NCR3LG1: variants seen among roughly 807,000 people sequenced by gnomAD.
NCR3LG1 encodes the protein natural killer cell cytotoxicity receptor 3 ligand 1.
A neutral mutation model predicts 34.8 loss-of-function variants in NCR3LG1; 35 were observed. That is an observed-to-expected ratio of 1.01 (90% CI 0.77 to 1.33). The LOEUF (loss-of-function observed/expected upper bound fraction) is 1.33. NCR3LG1 is among the 40% of genes most tolerant of loss of function. The probability of loss-of-function intolerance (pLI) is 0.00; values close to 1 mark genes in which losing one functional copy is unlikely to be tolerated. For missense variants in NCR3LG1, 452 were observed against 423.3 expected, an observed-to-expected ratio of 1.07 and a Z score of -0.60; for synonymous variants, 173 against 163.6, an observed-to-expected ratio of 1.06 and a Z score of -0.44.
chr11:17,352,093 T>A, intron 1 of NCR3LG1, 54 bp downstream of exon 1: 2 of 1,314,616 alleles, frequency 1.5e-6, no homozygotes, highest in Non-Finnish European at 2.0e-6. Flanking sequence ...CAGAGGGTCC[T>A]CGCGGGTCGG....
intron 1 of NCR3LG1, among the ~76,000 whole-genome samples, chr11:17,355,787 CTTAT>C (rs765511955): frequency 4.5e-4 from 69 of 151,944 alleles, no homozygotes; most frequent in Admixed American, 5.9e-4. Flanking sequence ...CATGTCTTTT[CTTAT>C]TTATTTATTT....
chr11:17,375,951 T>G lies in NCR3LG1; in HGVS notation c.*3439T>G. ...AGTACGCTTGCCAGCCTCCAGCCAA[T>G]GGAAGATTCTTAAAATCCTCCACTG... On this transcript the variant is annotated 3_prime_UTR_variant, in exon 5 of 5. Transcript: ENST00000338965. 1 of 152,208 alleles carries G rather than the reference T, an allele frequency of 6.6e-6. No homozygotes were observed. The highest frequency in any genetic ancestry group is 1.9e-4 in the East Asian group (1 of 5,198). 9.4% of individuals were successfully genotyped at this position (152,208 alleles called of 1,614,324 possible).
rs138081337 is a variant in NCR3LG1, at chr11:17,374,886, CCTTTAAT to C, written c.*2380_*2386del. 0.21 allele frequency: 31,075 copies of C among 149,232 alleles called. 3,509 individuals are homozygous for C. The highest frequency in any genetic ancestry group is 0.28 in the African/African-American group (11,688 of 41,188). The allele number at this position is 149,232 out of a possible 1,614,324, so 9.2% of individuals were successfully genotyped here. On this transcript the variant is annotated 3_prime_UTR_variant, in exon 5 of 5. Coordinates refer to ENST00000338965, the MANE Select transcript of NCR3LG1 (RefSeq NM_001202439.3). ...GCCCCCAGTCTTTCTGTAGGGAAGT[CCTTTAAT>C]CTTTATGTATCATAAAGGAAAGGAA...
intron 3 of NCR3LG1, among the ~76,000 whole-genome samples, 187 bp downstream of exon 3, chr11:17,367,534 C>T (rs1057431879): frequency 9.2e-5 from 14 of 152,188 alleles, no homozygotes; most frequent in Admixed American, 9.2e-4. Flanking sequence ...TAGGTCCCTA[C>T]ACCTGGGCAG....
rs145012096 is a variant in NCR3LG1, at chr11:17,371,603, C to T, written c.859-403C>T. 2.7e-4 allele frequency among the ~76,000 whole-genome samples: 41 copies of T among 152,308 alleles called. 1 individual carries two copies. In the East Asian group the frequency reaches 5.4e-3, roughly 20 times the overall value. ...CTTGTGTTTAGAAATCAATCAGTCTCATTCTCTAGGAATTCATAACTTTGC... is the reference window on the plus strand; with the variant it reads ...CTTGTGTTTAGAAATCAATCAGTCTTATTCTCTAGGAATTCATAACTTTGC... On this transcript the variant is annotated intron_variant, in intron 4 of 4. Coordinates refer to ENST00000338965, the MANE Select transcript of NCR3LG1 (RefSeq NM_001202439.3).
chr11:17,362,425 T>C, intron 2 of NCR3LG1, among the ~76,000 whole-genome samples: 1 of 152,200 alleles, frequency 6.6e-6, no homozygotes, highest in East Asian at 1.9e-4. Flanking sequence ...TCTGTAGTTA[T>C]CTTTTCTGGT....
chr11:17,354,000 C>A (rs1436461739), intron 1 of NCR3LG1, among the ~76,000 whole-genome samples: 1 of 152,114 alleles, frequency 6.6e-6, no homozygotes, highest in East Asian at 1.9e-4. Context: ...TCCAGTCATA[C>A]AAAGGAATTC....
chr11:17,378,654 C>T (rs116855350), downstream of NCR3LG1, among the ~76,000 whole-genome samples: 442 of 152,282 alleles, frequency 2.9e-3, 3 homozygotes, highest in Non-Finnish European at 5.2e-3. Flanking sequence ...CTTTCCCCAA[C>T]AGCAGTTGGG....
chr11:17,358,371 G>A (rs957407999), intron 2 of NCR3LG1, among the ~76,000 whole-genome samples: 1 of 152,190 alleles, frequency 6.6e-6, no homozygotes, highest in African/African-American at 2.4e-5. Flanking sequence ...GAGGGTATTG[G>A]TCAGGTATAT....
chr11:17,361,230 T>A (rs1447028282), intron 2 of NCR3LG1, among the ~76,000 whole-genome samples: 6 of 152,272 alleles, frequency 3.9e-5, no homozygotes, highest in Admixed American at 3.9e-4. Context: ...GCAAAATGGC[T>A]TTCCGGGATT....
chr11:17,378,188 T>A (rs148349901), downstream of NCR3LG1, among the ~76,000 whole-genome samples: 23 of 152,316 alleles, frequency 1.5e-4, no homozygotes, highest in African/African-American at 5.3e-4. Flanking sequence ...GATATCCTTA[T>A]GGCCAAAGTA....
At chr11:17,357,796 T>C (rs117376917) in intron 2 of NCR3LG1, among the ~76,000 whole-genome samples, 11 of 151,960 alleles carry the variant, frequency 7.2e-5, no homozygotes, top group Non-Finnish European at 1.6e-4. Context: ...AACCTCAAAC[T>C]CCAGGGCTCA....
intron 1 of NCR3LG1, 41 bp downstream of exon 1, chr11:17,352,080 C>A (rs1953142666): frequency 2.2e-6 from 3 of 1,375,244 alleles, no homozygotes; most frequent in South Asian, 2.7e-5. Flanking sequence ...GGGCTCCTGG[C>A]GCCAGAGGGT....
intron 1 of NCR3LG1, 127 bp from the exon 2 acceptor site, chr11:17,356,524 A>AT (rs1204138958): frequency 3.3e-5 from 22 of 674,512 alleles, no homozygotes; most frequent in Non-Finnish European, 4.9e-5. Flanking sequence ...CTGCCTCCAG[A>AT]TACCATCACA....
chr11:17,369,964 G>C (rs1476732917), intron 4 of NCR3LG1, among the ~76,000 whole-genome samples: 1 of 152,074 alleles, frequency 6.6e-6, no homozygotes, highest in Non-Finnish European at 1.5e-5. Context: ...TGTACAGGGG[G>C]GCTTGCCTAA....
chr11:17,353,191 T>G (rs796519329), intron 1 of NCR3LG1, among the ~76,000 whole-genome samples: 29 of 152,328 alleles, frequency 1.9e-4, no homozygotes, highest in African/African-American at 7.0e-4. Flanking sequence ...TTTCCACAGT[T>G]TGAGAAACAG....
At chr11:17,379,024 A>G (rs529497157), downstream of NCR3LG1, among the ~76,000 whole-genome samples, 1 of 152,344 alleles carries the variant, frequency 6.6e-6, no homozygotes, top group African/African-American at 2.4e-5. Context: ...TGCAAATGAG[A>G]TGCCCAGCAC....
Position 17,373,971 on chromosome 11 carries a change from T to G in NCR3LG1, c.*1459T>G, listed in dbSNP as rs1267344574. The G allele has an allele frequency of 6.6e-6, 1 of 152,140 alleles. No homozygotes were observed. The highest frequency in any genetic ancestry group is 1.5e-5 in the Non-Finnish European group (1 of 68,048). The allele number at this position is 152,140 out of a possible 1,614,324, so 9.4% of individuals were successfully genotyped here. A position where few individuals can be genotyped will look rare whatever the true frequency, so the allele number is the denominator to read the frequency against. On this transcript the variant is annotated 3_prime_UTR_variant, in exon 5 of 5. Transcript: ENST00000338965. ...ATCCACCTCAAGGATCCCACTTTTT[T>G]TCCTAACCAGAGACAATACCCTCTG... is the stretch of plus-strand genomic sequence containing the variant.
chr11:17,361,594 A>G (rs1166753379), intron 2 of NCR3LG1, among the ~76,000 whole-genome samples: 1 of 150,614 alleles, frequency 6.6e-6, no homozygotes, highest in African/African-American at 2.4e-5. Context: ...CAATGGTATT[A>G]TATTTTTAAT....
Sources: gnomAD v4.1 joint callset for allele counts (sites outside exome capture counted in the v4.1 genomes callset) on GRCh38, gnomAD v4.1.1 for gene constraint, MANE v1.5 for transcripts, NCBI Gene and HGNC (gene_info 2026-07-23, HGNC 2026-07-21) for gene names.